Variants in KCNB2 observed in about 807,000 individuals in gnomAD.
KCNB2 encodes delayed rectifier potassium channel protein.
In KCNB2, 15 loss-of-function variants were observed where a neutral mutation model predicts 61.5. The observed-to-expected ratio is 0.24, with a 90% CI of 0.16 to 0.38. The LOEUF (loss-of-function observed/expected upper bound fraction) is 0.38. KCNB2 is among the 10% of genes least tolerant of loss of function. The probability of loss-of-function intolerance (pLI) is 1.00; values close to 1 mark genes in which losing one functional copy is unlikely to be tolerated. For missense variants in KCNB2, 828 were observed against 1,125.2 expected (o/e 0.74, Z 3.78); for synonymous variants, 457 against 446.0 (o/e 1.02, Z -0.31).
intron 2 of KCNB2, among the ~76,000 whole-genome samples, chr8:72,579,004 C>T (rs1051875095): frequency 6.6e-6 from 1 of 152,178 alleles, no homozygotes; most frequent in Non-Finnish European, 1.5e-5. Flanking sequence ...ACCATATTGC[C>T]ACCAATGGGA....
At chr8:72,891,242 G>A (rs537728936) in intron 2 of KCNB2, among the ~76,000 whole-genome samples, 1 of 152,222 alleles carries the variant, frequency 6.6e-6, no homozygotes, top group Non-Finnish European at 1.5e-5. Flanking sequence ...GCACTGTAAA[G>A]ATTGTGGTCA....
At chr8:72,690,133 A>G (rs777021692) in intron 2 of KCNB2, among the ~76,000 whole-genome samples, 5 of 152,160 alleles carry the variant, frequency 3.3e-5, no homozygotes, top group Admixed American at 6.5e-5. Context: ...CCAATCTGCC[A>G]TATTTTCTGC....
intron 2 of KCNB2, among the ~76,000 whole-genome samples, chr8:72,700,339 G>A (rs1447537879): frequency 1.3e-5 from 2 of 152,008 alleles, no homozygotes; most frequent in African/African-American, 4.8e-5. Context: ...TTCTGCACAT[G>A]TATCCCAGAA....
At chr8:72,641,687 T>C (rs1283817810) in intron 2 of KCNB2, among the ~76,000 whole-genome samples, 1 of 152,134 alleles carries the variant, frequency 6.6e-6, no homozygotes, top group Non-Finnish European at 1.5e-5. Context: ...GATTTGAATC[T>C]TGACAATGCT....
At chr8:72,704,843 A>G (rs1172768137) in intron 2 of KCNB2, among the ~76,000 whole-genome samples, 1 of 152,234 alleles carries the variant, frequency 6.6e-6, no homozygotes, top group African/African-American at 2.4e-5. Flanking sequence ...TAGTATTTGC[A>G]TATAACCTAT....
intron 2 of KCNB2, among the ~76,000 whole-genome samples, chr8:72,801,480 T>C (rs1257897466): frequency 1.3e-5 from 2 of 152,242 alleles, no homozygotes; most frequent in Non-Finnish European, 2.9e-5. Flanking sequence ...CTTTTGTAGG[T>C]CATTTTGTTG....
At chr8:72,636,529 A>C (rs1042692160) in intron 2 of KCNB2, among the ~76,000 whole-genome samples, 3 of 152,142 alleles carry the variant, frequency 2.0e-5, no homozygotes, top group African/African-American at 7.2e-5. Flanking sequence ...TTATCTCATC[A>C]GTCCTCAGTA....
chr8:72,905,524 C>T (rs1585966233), intron 2 of KCNB2, among the ~76,000 whole-genome samples: 1 of 150,174 alleles, frequency 6.7e-6, no homozygotes, highest in South Asian at 2.1e-4. Flanking sequence ...AGGAAGAAAG[C>T]TTTCAGTACA....
In KCNB2 at chr8:72,916,318, C is replaced by T. The variant is rs1270196751; in HGVS notation, c.580-19617C>T. Among the ~76,000 whole-genome samples, 6 of 152,266 alleles carry T rather than the reference C, an allele frequency of 3.9e-5. No individual in the cohort carries two copies. The South Asian group carries it at 1.2e-3, about 32-fold the overall frequency. On this transcript the variant is annotated intron_variant, in intron 2 of 2. Coordinates refer to ENST00000523207, the MANE Select transcript of KCNB2 (RefSeq NM_004770.3). ...CCCTTCGTGGGCAGGAACTGGAGTGCACAGATGCTGGAACTAGCCAGCTGC... is the reference window on the plus strand; with the variant it reads ...CCCTTCGTGGGCAGGAACTGGAGTGTACAGATGCTGGAACTAGCCAGCTGC...
intron 2 of KCNB2, among the ~76,000 whole-genome samples, chr8:72,649,305 A>G (rs555819115): frequency 6.6e-6 from 1 of 152,282 alleles, no homozygotes; most frequent in Non-Finnish European, 1.5e-5. Flanking sequence ...CAGATACTAG[A>G]ACACCTCCCA....
At chr8:72,742,000 A>C (rs6996828) in intron 2 of KCNB2, among the ~76,000 whole-genome samples, 11 of 152,310 alleles carry the variant, frequency 7.2e-5, no homozygotes, top group African/African-American at 2.6e-4. Context: ...GTATCTACCC[A>C]GAGGAAAATA....
chr8:72,599,827 C>G (rs1244198607), intron 2 of KCNB2, among the ~76,000 whole-genome samples: 1 of 152,026 alleles, frequency 6.6e-6, no homozygotes, highest in African/African-American at 2.4e-5. Context: ...ATTTATGTAG[C>G]CAAAAAACAC....
intron 2 of KCNB2, among the ~76,000 whole-genome samples, chr8:72,726,764 A>G (rs1396812219): frequency 6.6e-6 from 1 of 152,056 alleles, no homozygotes. Context: ...CAATTAAGAG[A>G]TTTTTTTGTT....
At chr8:72,836,284 G>A (rs1329459784) in intron 2 of KCNB2, among the ~76,000 whole-genome samples, 2 of 152,174 alleles carry the variant, frequency 1.3e-5, no homozygotes, top group Non-Finnish European at 2.9e-5. Flanking sequence ...TTTCAAAGAA[G>A]GCTATTTTCT....
rs1806899427 is a variant in KCNB2 at position 72,936,171 on chromosome 8, G to A, written c.816G>A (p.Leu272=). 6.2e-7 allele frequency: 1 copy of A among 1,614,192 alleles called. No individual in the cohort carries two copies. The highest frequency in any genetic ancestry group is 1.7e-5 in the Admixed American group (1 of 60,034). ...GCCCACTGAATGTCATTGATTTGCTGGCCATCTTGCCGTACTATGTCACCA... is the reference window on the plus strand; with the variant it reads ...GCCCACTGAATGTCATTGATTTGCTAGCCATCTTGCCGTACTATGTCACCA... ...FKGPLNVIDL[L]AILPYYVTIF... The change falls in exon 3 of 3, where the codon CTG becomes CTA. Residue 272 remains leucine, a synonymous_variant. Coordinates refer to ENST00000523207, the MANE Select transcript of KCNB2 (RefSeq NM_004770.3). The surrounding 1 kb of genome is among the most constrained non-coding windows in gnomAD (Gnocchi z 5.6).
intron 2 of KCNB2, among the ~76,000 whole-genome samples, chr8:72,625,201 T>C (rs1805771361): frequency 6.6e-6 from 1 of 152,156 alleles, no homozygotes; most frequent in South Asian, 2.1e-4. Context: ...ATTTGTTATA[T>C]AGAAACAGGA....
chr8:72,936,275 G>T lies in KCNB2; in HGVS notation c.920G>T (p.Arg307Leu), dbSNP rs781044890. ...GTGGTCCAGATCTTCCGAATCATGC[G>T]CATCCTCAGGATCCTGAAACTCGCC... Reference protein sequence around the residue: ...RRVVQIFRIMRILRILKLARH... With the variant: ...RRVVQIFRIMLILRILKLARH... Residue 307 changes from arginine to leucine, a missense_variant, in exon 3 of 3, where the codon CGC (arginine) becomes CTC (leucine). Arg to Leu is a moderately radical substitution (Grantham distance 102, BLOSUM62 -2). Transcript: ENST00000523207. The surrounding 1 kb of genome is among the most constrained non-coding windows in gnomAD (Gnocchi z 5.6). 6.2e-7 allele frequency: 1 copy of T among 1,614,210 alleles called. No individual in the cohort carries two copies. The highest frequency in any genetic ancestry group is 8.5e-7 in the Non-Finnish European group (1 of 1,180,024).
chr8:72,547,398 C>T (rs116900122), intron 1 of KCNB2, among the ~76,000 whole-genome samples: 1 of 152,150 alleles, frequency 6.6e-6, no homozygotes, highest in Non-Finnish European at 1.5e-5. Context: ...AGTGATTCCT[C>T]TGATAGATCT....
intron 2 of KCNB2, among the ~76,000 whole-genome samples, chr8:72,759,763 A>C (rs1016516595): frequency 6.6e-6 from 1 of 152,152 alleles, no homozygotes. Context: ...TGGCATCCTC[A>C]TGGGTAAGGT....
Sources: allele counts gnomAD v4.1 joint callset (sites outside exome capture counted in the v4.1 genomes callset), GRCh38; gene constraint gnomAD v4.1.1; non-coding constraint Gnocchi (gnomAD v3.1); transcripts MANE v1.5; gene names NCBI Gene and HGNC (gene_info 2026-07-23, HGNC 2026-07-21).